The following SGSH variants were observed in gnomAD, a reference collection of about 807,000 sequenced individuals.
SGSH encodes N-sulfoglucosamine sulfohydrolase, also known as heparan sulfate sulfatase.
SGSH carries 48 observed loss-of-function variants against 51.0 expected under a neutral mutation model. That is an observed-to-expected ratio of 0.94 (90% CI 0.75 to 1.20). The LOEUF is 1.20. SGSH is among the 50% of genes most tolerant of loss of function. The probability of loss-of-function intolerance (pLI) is 0.00; values close to 1 mark genes in which losing one functional copy is unlikely to be tolerated. For missense variants in SGSH, 662 were observed against 717.8 expected (o/e 0.92, Z 0.89); for synonymous variants, 321 against 313.4 (o/e 1.02, Z -0.26).
chr17:80,212,297 A>G lies in SGSH; in HGVS notation c.746-23T>C. 2 of 1,584,120 alleles carry G rather than the reference A, an allele frequency of 1.3e-6. No individual in the cohort carries two copies. Among genetic ancestry groups the G allele is most frequent in the South Asian group, 1.1e-5 (1 of 88,040 alleles). ...CTCCTGTGGTGAGGGGCCGAGAAGCAGAGCTCAGCCGCAGACACGGAGGGA... is the reference window on the plus strand; with the variant it reads ...CTCCTGTGGTGAGGGGCCGAGAAGCGGAGCTCAGCCGCAGACACGGAGGGA... On this transcript the variant is annotated intron_variant, in intron 6 of 7. Transcript: ENST00000326317. The surrounding 1 kb of genome is among the most constrained non-coding windows in gnomAD (Gnocchi z 5.9).
At chr17:80,204,250 G>T (rs778848984), downstream of SGSH, 2 of 1,594,810 alleles carry the variant, frequency 1.3e-6, no homozygotes, top group African/African-American at 2.7e-5. Context: ...GACCACAGAA[G>T]CTGGTCCGCA....
Position 80,212,292 on chromosome 17 carries a change from G to A in SGSH, c.746-18C>T, listed in dbSNP as rs2041699655. 1.9e-6 allele frequency: 3 copies of A among 1,591,030 alleles called. No homozygotes were observed. The highest frequency in any genetic ancestry group is 1.3e-5 in the African/African-American group (1 of 74,502). On this transcript the variant is annotated intron_variant, in intron 6 of 7. Transcript: ENST00000326317. This position sits in a 1 kb window ranked among gnomAD's most constrained non-coding sequence, Gnocchi z 5.9. Reference sequence around the variant, plus strand: ...TCCAACTCCTGTGGTGAGGGGCCGAGAAGCAGAGCTCAGCCGCAGACACGG... The same window carrying A: ...TCCAACTCCTGTGGTGAGGGGCCGAAAAGCAGAGCTCAGCCGCAGACACGG...
At position 80,213,839 on chromosome 17, in the gene SGSH, G is replaced by C; in HGVS notation, c.710C>G (p.Ala237Gly). Residue 237 changes from alanine (A) to glycine (G), a missense_variant, in exon 6 of 8, where the codon GCC (alanine) becomes GGC (glycine). Transcript: ENST00000326317. This position sits in a 1 kb window ranked among gnomAD's most constrained non-coding sequence, Gnocchi z 4.6. ...GCGGCCGACGGTGGTGTACTGAGCG[G>C]CCAGGTCGGCTCGGGCTGCCGGGGT... Reference protein sequence around the residue: ...PNTPAARADLAAQYTTVGRMD... With the variant: ...PNTPAARADLGAQYTTVGRMD... 1 of 1,608,480 alleles carries C rather than the reference G, an allele frequency of 6.2e-7. No homozygotes were observed. Among genetic ancestry groups the C allele is most frequent in the Non-Finnish European group, 8.5e-7 (1 of 1,179,216 alleles).
chr17:80,205,758 T>G, downstream of SGSH: 35 of 1,250,068 alleles, frequency 2.8e-5, no homozygotes, highest in Non-Finnish European at 3.6e-5. Context: ...GAGACCTGGG[T>G]GACCTTGTCG....
chr17:80,216,980 C>T lies in SGSH; in HGVS notation c.249+52G>A, dbSNP rs113672699. 0.033 allele frequency: 48,850 copies of T among 1,491,328 alleles called. 957 individuals carry two copies. Among genetic ancestry groups the T allele is most frequent in the Non-Finnish European group, 0.039 (43,435 of 1,110,882 alleles). The allele number at this position is 1,491,328 out of a possible 1,614,324, so 92.4% of individuals were successfully genotyped here. On this transcript the variant is annotated intron_variant, in intron 2 of 7. Coordinates refer to ENST00000326317, the MANE Select transcript of SGSH (RefSeq NM_000199.5). ...ACGTGGCAGAGGCCTGGGCCCCGGA[C>T]GCAGCCTGTCTACTCCCTGCCCACC...
At chr17:80,211,502 C>T (rs1467973004) in intron 7 of SGSH, 3 of 267,174 alleles carry the variant, frequency 1.1e-5, no homozygotes, top group South Asian at 4.2e-5. Flanking sequence ...CACCCCGAGC[C>T]CCTCACAAAG....
At chr17:80,211,644 CAG>C (rs2041670714) in intron 7 of SGSH, 1 of 328,528 alleles carries the variant, frequency 3.0e-6, no homozygotes, top group Non-Finnish European at 5.9e-6. Flanking sequence ...CACGGATGCT[CAG>C]AGAGGGGTCC....
downstream of SGSH, chr17:80,205,215 T>G (rs1261489858): frequency 6.2e-7 from 1 of 1,606,478 alleles, no homozygotes; most frequent in Middle Eastern, 1.7e-4. Context: ...GGTATGCTGT[T>G]GCCTGGGAAT....
downstream of SGSH, chr17:80,203,933 A>C: frequency 2.7e-6 from 4 of 1,473,980 alleles, no homozygotes; most frequent in Non-Finnish European, 3.7e-6. This position sits in a 1 kb window ranked among gnomAD's most constrained non-coding sequence, Gnocchi z 4.6. Flanking sequence ...GGGCTGGAAG[A>C]GGGGCTCGGT....
downstream of SGSH, among the ~76,000 whole-genome samples, chr17:80,206,439 C>A (rs2041312158): frequency 6.6e-6 from 1 of 152,174 alleles, no homozygotes; most frequent in South Asian, 2.1e-4. Flanking sequence ...CACAGTGAGA[C>A]ACCCGTCTCT....
chr17:80,208,371 TG>T (rs752020063), downstream of SGSH: 41 of 1,541,146 alleles, frequency 2.7e-5, 1 homozygote, highest in South Asian at 1.6e-4. Flanking sequence ...CCCGGGACTG[TG>T]GGGGCTTCTG....
rs2042105036 is a variant in SGSH, at chr17:80,220,300, A to G, written c.14T>C (p.Val5Ala). Reference protein sequence around the residue: MSCPVPACCALLLVL... With the variant: MSCPAPACCALLLVL... The stretch of plus-strand genomic sequence containing the variant: ...TAGCAGCAGCGCGCAGCAGGCGGGC[A>G]CGGGGCAGCTCATGGCGGCGGCGGC... The change falls in exon 1 of 8, where the codon GTG (valine) becomes GCG (alanine). Residue 5 changes from valine (V) to alanine (A), a missense_variant. Physicochemically the swap from Val to Ala is moderately conservative, Grantham distance 64. Transcript: ENST00000326317. 5 of 1,516,210 alleles carry G rather than the reference A, an allele frequency of 3.3e-6. No individual in the cohort carries two copies. The South Asian group carries it at 4.9e-5, about 15-fold the overall frequency. 93.9% of individuals were successfully genotyped at this position (1,516,210 alleles called of 1,614,324 possible).
At chr17:80,216,806 G>A in intron 2 of SGSH, 6 of 577,044 alleles carry the variant, frequency 1.0e-5, no homozygotes, top group Non-Finnish European at 1.9e-5. Context: ...AAGGAGGTAG[G>A]TGACTTGCTC....
intron 1 of SGSH, 36 bp from the exon 2 acceptor site, chr17:80,217,228 C>T: frequency 1.3e-6 from 2 of 1,580,692 alleles, no homozygotes; most frequent in Non-Finnish European, 1.7e-6. Context: ...GCACGGTCGG[C>T]TGCGGTCACG....
At chr17:80,202,651 T>C, downstream of SGSH, 1 of 1,372,722 alleles carries the variant, frequency 7.3e-7, no homozygotes, top group Non-Finnish European at 9.5e-7. Flanking sequence ...TCTGGGTTTC[T>C]TAGCTCTGGG....
downstream of SGSH, chr17:80,208,259 G>C: frequency 6.3e-7 from 1 of 1,589,894 alleles, no homozygotes; most frequent in Non-Finnish European, 8.5e-7. Context: ...CGGCTGGAGC[G>C]ACCTGGACGG....
chr17:80,202,681 T>A (rs888473663), downstream of SGSH: 1 of 1,190,412 alleles, frequency 8.4e-7, no homozygotes, highest in Admixed American at 3.2e-5. Context: ...TTTGGTACCA[T>A]GGACGTTTGG....
downstream of SGSH, chr17:80,201,886 C>A: frequency 6.2e-7 from 1 of 1,600,450 alleles, no homozygotes; most frequent in South Asian, 1.1e-5. This position sits in a 1 kb window ranked among gnomAD's most constrained non-coding sequence, Gnocchi z 5.0. Flanking sequence ...CATACCACTC[C>A]TCTCGTGTGC....
At chr17:80,205,807 ACTC>A (rs1409376317), downstream of SGSH, 11 of 673,724 alleles carry the variant, frequency 1.6e-5, no homozygotes, top group Admixed American at 3.3e-5. Flanking sequence ...GGAGCCCAAA[ACTC>A]ATCTCAGCCA....
Sources: gnomAD v4.1 joint callset for allele counts (sites outside exome capture counted in the v4.1 genomes callset) on GRCh38, gnomAD v4.1.1 for gene constraint, Gnocchi (gnomAD v3.1) non-coding constraint, MANE v1.5 for transcripts, NCBI Gene and HGNC (gene_info 2026-07-23, HGNC 2026-07-21) for gene names.